The following DYM variants were observed in gnomAD, a reference collection of about 807,000 sequenced individuals.
The protein encoded by DYM is dyggve-Melchior-Clausen syndrome protein.
In DYM, 78 loss-of-function variants were observed where a neutral mutation model predicts 93.1. The ratio of observed to expected loss-of-function variants is 0.84; its 90% CI spans 0.70 to 1.01. The LOEUF (loss-of-function observed/expected upper bound fraction) is 1.01, where lower values mean the gene tolerates loss of function less well. Ranked by LOEUF, DYM falls within the 50% of genes least tolerant of loss-of-function variation. The pLI is 0.00. For synonymous variants in DYM, 321 were observed against 319.7 expected, an observed-to-expected ratio of 1.00 and a Z score of -0.04; for missense variants, 789 against 845.0, an observed-to-expected ratio of 0.93 and a Z score of 0.82.
intron 2 of DYM, among the ~76,000 whole-genome samples, chr18:49,422,047 A>T (rs2073771204): frequency 6.6e-6 from 1 of 152,242 alleles, no homozygotes; most frequent in Admixed American, 6.5e-5. Context: ...CCTGAAAGTG[A>T]CGGGGAGAAT....
chr18:49,404,666 A>G (rs2071249424), intron 2 of DYM, among the ~76,000 whole-genome samples: 1 of 152,166 alleles, frequency 6.6e-6, no homozygotes. Context: ...TTCTCTAATG[A>G]TTAATGATGT....
At chr18:49,271,747 T>C (rs948904625) in intron 11 of DYM, among the ~76,000 whole-genome samples, 5 of 151,896 alleles carry the variant, frequency 3.3e-5, no homozygotes, top group Non-Finnish European at 2.9e-5. Context: ...AGGACCAAAA[T>C]TTAAAAAGTT....
At chr18:49,386,000 CAG>C (rs1476271194) in intron 3 of DYM, among the ~76,000 whole-genome samples, 2 of 152,070 alleles carry the variant, frequency 1.3e-5, no homozygotes, top group African/African-American at 4.8e-5. Flanking sequence ...TTTGTAGAGA[CAG>C]GGTCTTGCTA....
At chr18:49,355,705 T>A (rs2032551162) in intron 6 of DYM, among the ~76,000 whole-genome samples, 1 of 152,180 alleles carries the variant, frequency 6.6e-6, no homozygotes, top group Non-Finnish European at 1.5e-5. Flanking sequence ...CTGCAAATTT[T>A]AATTCTCCCA....
At chr18:49,289,729 A>ATG (rs2059926034) in intron 8 of DYM, among the ~76,000 whole-genome samples, 1 of 20,166 alleles carries the variant, frequency 5.0e-5, no homozygotes, top group Admixed American at 9.0e-4. Flanking sequence ...ATATATGTGT[A>ATG]TATATATATA....
intron 10 of DYM, among the ~76,000 whole-genome samples, chr18:49,274,200 G>A (rs1327136876): frequency 2.7e-5 from 4 of 149,476 alleles, no homozygotes; most frequent in Admixed American, 1.3e-4. Context: ...ACCACTTTCT[G>A]TCTCTATAAT....
intron 17 of DYM, chr18:49,048,054 G>A (rs1295253767): frequency 6.6e-6 from 1 of 152,276 alleles, no homozygotes; most frequent in Admixed American, 6.5e-5. Flanking sequence ...CTGACTGTGT[G>A]CAAAGTTAGT....
In DYM at chr18:49,041,723, G is replaced by C. The variant is rs1448742547; in HGVS notation, c.*2332C>G. The C allele has an allele frequency of 1.3e-5, 2 of 152,204 alleles. No homozygotes were observed. Among genetic ancestry groups the C allele is most frequent in the Non-Finnish European group, 2.9e-5 (2 of 68,084 alleles). The allele number at this position is 152,204 out of a possible 1,614,324, so 9.4% of individuals were successfully genotyped here. A position where few individuals can be genotyped will look rare whatever the true frequency, so the allele number is the denominator to read the frequency against. On this transcript the variant is annotated 3_prime_UTR_variant, in exon 18 of 18. Coordinates refer to ENST00000675505, the MANE Select transcript of DYM (RefSeq NM_001353214.3). Reference sequence around the variant, plus strand: ...AGGGAAAGAGGGGAGGGCAATCAGGGTTCTGGGGGCACCTCAGTGAGCCCA... The same window carrying C: ...AGGGAAAGAGGGGAGGGCAATCAGGCTTCTGGGGGCACCTCAGTGAGCCCA...
At chr18:49,112,767 A>G (rs1281269025) in intron 16 of DYM, among the ~76,000 whole-genome samples, 1 of 152,148 alleles carries the variant, frequency 6.6e-6, no homozygotes, top group Non-Finnish European at 1.5e-5. Context: ...CCCTGTAACC[A>G]TCTGCCCCTC....
At chr18:49,257,674 T>C (rs572104431) in intron 12 of DYM, among the ~76,000 whole-genome samples, 56 of 117,764 alleles carry the variant, frequency 4.8e-4, no homozygotes, top group African/African-American at 1.4e-3. Flanking sequence ...TAGCGAGACT[T>C]TGGCTATTTA....
chr18:49,412,930 T>G (rs1026302934), intron 2 of DYM: 1 of 152,140 alleles, frequency 6.6e-6, no homozygotes, highest in African/African-American at 2.4e-5. Flanking sequence ...GAAGATACAC[T>G]CTACTCAAGG....
intron 14 of DYM, among the ~76,000 whole-genome samples, chr18:49,178,171 G>A (rs1223657636): frequency 6.6e-6 from 1 of 152,068 alleles, no homozygotes; most frequent in Non-Finnish European, 1.5e-5. Flanking sequence ...ACAGTTCTCA[G>A]AAAGCTCAGT....
intron 15 of DYM, among the ~76,000 whole-genome samples, chr18:49,147,954 C>T (rs2085349194): frequency 6.6e-6 from 1 of 152,162 alleles, no homozygotes; most frequent in South Asian, 2.1e-4. Flanking sequence ...AAATGTCCAA[C>T]AATGATAGAC....
chr18:49,213,334 T>A (rs2146191110), intron 13 of DYM, among the ~76,000 whole-genome samples: 1 of 151,876 alleles, frequency 6.6e-6, no homozygotes, highest in South Asian at 2.1e-4. Context: ...TTTTGCCCTG[T>A]TGCCTAGACT....
rs148267992 is a variant in DYM, at chr18:49,156,356, C to G, written c.1728+7329G>C. On this transcript the variant is annotated intron_variant, in intron 15 of 17. Coordinates refer to ENST00000675505, the MANE Select transcript of DYM (RefSeq NM_001353214.3). ...GGGAACTTGGAATCTCCCACTGGGT[C>G]TCCTGCAACCAGCCAGCAAATGATG... Among the ~76,000 whole-genome samples, 4 of 152,166 alleles carry G rather than the reference C, an allele frequency of 2.6e-5. No homozygotes were observed. In the East Asian group the frequency reaches 7.7e-4, roughly 29 times the overall value.
intron 17 of DYM, among the ~76,000 whole-genome samples, chr18:49,060,848 C>T (rs2075933626): frequency 6.6e-6 from 1 of 151,912 alleles, no homozygotes; most frequent in African/African-American, 2.4e-5. Context: ...AGATAGTTCA[C>T]CTGGGGTGGT....
In DYM at chr18:49,271,474, A is replaced by G. The variant is rs145857421; in HGVS notation, c.1251+704T>C. ...AATGACTATCTTCCATCTTAGGGCG[A>G]TAATAGTTAATGTCTGCAACTGAAA... On this transcript the variant is annotated intron_variant, in intron 11 of 17. Transcript: ENST00000675505. Among the ~76,000 whole-genome samples the G allele has an allele frequency of 1.7e-3, 264 of 152,284 alleles. 2 individuals are homozygous for G. Among genetic ancestry groups the G allele is most frequent in the Middle Eastern group, 6.8e-3 (2 of 294 alleles).
At chr18:49,217,857 G>A (rs922665980) in intron 13 of DYM, among the ~76,000 whole-genome samples, 105 of 152,262 alleles carry the variant, frequency 6.9e-4, no homozygotes, top group African/African-American at 2.3e-3. Context: ...TAACGAGCAA[G>A]ATAACCAGCT....
chr18:49,075,441 G>A (rs999877463), intron 17 of DYM, among the ~76,000 whole-genome samples: 3 of 152,134 alleles, frequency 2.0e-5, no homozygotes. Flanking sequence ...TTCATCCAAG[G>A]ATCAGGGTCA....
Sources: gnomAD v4.1 joint callset for allele counts (sites outside exome capture counted in the v4.1 genomes callset) on GRCh38, gnomAD v4.1.1 for gene constraint, MANE v1.5 for transcripts, NCBI Gene and HGNC (gene_info 2026-07-23, HGNC 2026-07-21) for gene names.